The following SVOPL variants were observed in gnomAD, a reference collection of about 807,000 sequenced individuals.
The protein encoded by SVOPL is putative transporter SVOPL.
SVOPL carries 60 observed loss-of-function variants against 61.0 expected under a neutral mutation model. The observed-to-expected ratio is 0.98, with a 90% CI of 0.80 to 1.22. The LOEUF is 1.22. Among genes scored for constraint, SVOPL ranks in the 50% most tolerant of loss-of-function variants. SVOPL has a pLI of 0.00. For missense variants in SVOPL, 662 were observed against 643.9 expected (o/e 1.03, Z -0.30); for synonymous variants, 279 against 250.0 (o/e 1.12, Z -1.09).
chr7:138,631,559 C>CCT (rs1800190183), intron 9 of SVOPL, among the ~76,000 whole-genome samples: 1 of 151,984 alleles, frequency 6.6e-6, no homozygotes, highest in African/African-American at 2.4e-5. Context: ...CCTGCAGTGT[C>CCT]CTCTCCCCTC....
At chr7:138,696,572 G>A (rs1324853332) in intron 1 of SVOPL, among the ~76,000 whole-genome samples, 9 of 151,992 alleles carry the variant, frequency 5.9e-5, no homozygotes, top group South Asian at 2.1e-4. Context: ...ACAGGTGCCC[G>A]CCACCATATC....
At chr7:138,597,102 G>A (rs1798311072) in intron 14 of SVOPL, 1 of 1,261,480 alleles carries the variant, frequency 7.9e-7, no homozygotes, top group Non-Finnish European at 1.0e-6. Flanking sequence ...CTGTACACAT[G>A]CTTTGGCCTG....
intron 1 of SVOPL, among the ~76,000 whole-genome samples, chr7:138,687,282 C>A (rs1318731703): frequency 8.3e-6 from 1 of 120,576 alleles, no homozygotes; most frequent in Admixed American, 1.1e-4. Flanking sequence ...GTTGCCTAGG[C>A]TGGAGTGCAA....
intron 3 of SVOPL, among the ~76,000 whole-genome samples, chr7:138,674,837 C>T (rs1367866580): frequency 6.9e-6 from 1 of 144,378 alleles, no homozygotes; most frequent in South Asian, 2.2e-4. Context: ...GCCTGGGCAA[C>T]GGAGTGAGAC....
chr7:138,668,934 C>G (rs1206314018), intron 4 of SVOPL, among the ~76,000 whole-genome samples: 1 of 152,226 alleles, frequency 6.6e-6, no homozygotes, highest in Non-Finnish European at 1.5e-5. Context: ...CCCAGACACT[C>G]TCTTTAGTGA....
chr7:138,689,380 G>C lies in SVOPL; in HGVS notation c.-34-10301C>G. 2.6e-6 allele frequency: 4 copies of C among 1,559,084 alleles called. No individual in the cohort carries two copies. The South Asian group carries it at 4.4e-5, about 17-fold the overall frequency. On this transcript the variant is annotated intron_variant, in intron 1 of 15. Transcript: ENST00000674285. Reference sequence around the variant, plus strand: ...CGCCGCCGGATCGACAGAGCTTATGGTCGGATTTACCCATGCATGAGCTCT... The same window carrying C: ...CGCCGCCGGATCGACAGAGCTTATGCTCGGATTTACCCATGCATGAGCTCT...
chr7:138,687,497 A>G (rs953169345), intron 1 of SVOPL, among the ~76,000 whole-genome samples: 3 of 151,776 alleles, frequency 2.0e-5, no homozygotes, highest in Admixed American at 1.3e-4. Flanking sequence ...TCAGCCTCCC[A>G]AAGTGCTGAG....
intron 13 of SVOPL, among the ~76,000 whole-genome samples, chr7:138,621,830 G>C (rs866123120): frequency 0.028 from 1,059 of 37,410 alleles, 22 homozygotes; most frequent in Middle Eastern, 0.066. Context: ...ATGTATCTAT[G>C]TATCTATCTA....
chr7:138,600,684 T>A (rs369975457), intron 14 of SVOPL, among the ~76,000 whole-genome samples: 3 of 151,956 alleles, frequency 2.0e-5, no homozygotes, highest in African/African-American at 7.3e-5. Context: ...TAGACCTGAA[T>A]AGACATTTCT....
intron 14 of SVOPL, among the ~76,000 whole-genome samples, chr7:138,597,574 AC>A (rs1461781788): frequency 1.6e-5 from 1 of 63,590 alleles, no homozygotes; most frequent in African/African-American, 1.2e-4. Flanking sequence ...AGTGACAGGT[AC>A]TAATGCTGAT....
At chr7:138,643,729 G>A (rs573911896) in intron 9 of SVOPL, among the ~76,000 whole-genome samples, 29 of 150,826 alleles carry the variant, frequency 1.9e-4, no homozygotes, top group Non-Finnish European at 3.8e-4. Flanking sequence ...ACAAACAATA[G>A]GATAGTGGTT....
intron 3 of SVOPL, among the ~76,000 whole-genome samples, chr7:138,672,658 A>T (rs1354592053): frequency 8.3e-6 from 1 of 121,000 alleles, no homozygotes; most frequent in South Asian, 2.8e-4. Context: ...TTTGTGTTTA[A>T]AAAAAAAAAA....
intron 9 of SVOPL, among the ~76,000 whole-genome samples, chr7:138,632,669 T>G (rs1584807232): frequency 8.4e-6 from 1 of 119,316 alleles, no homozygotes; most frequent in African/African-American, 3.3e-5. Flanking sequence ...GGAGCCAGGG[T>G]GGAAAGGGAG....
intron 15 of SVOPL, 149 bp from the exon 16 acceptor site, chr7:138,594,770 A>C: frequency 3.7e-6 from 2 of 540,202 alleles, no homozygotes; most frequent in Non-Finnish European, 6.2e-6. Flanking sequence ...TGTGTATCTG[A>C]AGATACAATG....
intron 4 of SVOPL, chr7:138,664,114 G>T: frequency 1.4e-6 from 1 of 716,954 alleles, no homozygotes; most frequent in Non-Finnish European, 1.7e-6. Context: ...TGGGGCTCCA[G>T]CTCTCCCTCT....
intron 9 of SVOPL, among the ~76,000 whole-genome samples, chr7:138,630,772 G>A (rs1434683897): frequency 5.9e-5 from 9 of 151,944 alleles, no homozygotes; most frequent in Admixed American, 1.3e-4. Flanking sequence ...GCGAAAGCCC[G>A]TCTCTACCAA....
chr7:138,655,493 G>T (rs1026744945), intron 7 of SVOPL, among the ~76,000 whole-genome samples: 1 of 151,776 alleles, frequency 6.6e-6, no homozygotes, highest in East Asian at 1.9e-4. Context: ...CAACAAGAGC[G>T]AAACTCCATT....
chr7:138,614,964 G>T (rs1799225198), intron 14 of SVOPL, among the ~76,000 whole-genome samples: 1 of 152,102 alleles, frequency 6.6e-6, no homozygotes, highest in South Asian at 2.1e-4. Context: ...AGAGGTCTTG[G>T]TTGCATTACC....
chr7:138,672,202 AG>A, intron 3 of SVOPL, 85 bp from the exon 4 acceptor site: 1 of 1,254,822 alleles, frequency 8.0e-7, no homozygotes. Context: ...CATCCTACCT[AG>A]TCCTGTCCCC....
Sources: allele counts gnomAD v4.1 joint callset (sites outside exome capture counted in the v4.1 genomes callset), GRCh38; gene constraint gnomAD v4.1.1; transcripts MANE v1.5; gene names NCBI Gene and HGNC (gene_info 2026-07-23, HGNC 2026-07-21).